The following MEGF11 variants were observed in gnomAD, a reference collection of about 807,000 sequenced individuals.
The protein encoded by MEGF11 is multiple EGF like domains 11, also known as multiple epidermal growth factor-like domains protein 11.
Under a neutral mutation model 146.6 loss-of-function variants are expected in MEGF11, and 126 were observed. The observed-to-expected ratio is 0.86, with a 90% CI of 0.74 to 1.00. MEGF11 has a LOEUF of 1.00. Among genes scored for constraint, MEGF11 ranks in the 50% least tolerant of loss-of-function variants. The pLI is 0.00. For synonymous variants in MEGF11, 532 were observed against 583.4 expected (o/e 0.91, Z 1.27); for missense variants, 1,509 against 1,521.2 (o/e 0.99, Z 0.13).
chr15:66,077,187 G>A (rs747993906), intron 5 of MEGF11, among the ~76,000 whole-genome samples: 11 of 152,198 alleles, frequency 7.2e-5, no homozygotes, highest in Non-Finnish European at 1.3e-4. Flanking sequence ...GGGTGCCTCC[G>A]CTTCAACCAC....
intron 5 of MEGF11, among the ~76,000 whole-genome samples, chr15:66,019,108 G>C (rs2083003928): frequency 6.6e-6 from 1 of 152,196 alleles, no homozygotes; most frequent in African/African-American, 2.4e-5. Context: ...GCAAGGGGCA[G>C]GGAGGCCAAG....
intron 13 of MEGF11, 101 bp from the exon 14 acceptor site, chr15:65,923,070 G>T: frequency 7.9e-7 from 1 of 1,268,664 alleles, no homozygotes; most frequent in Non-Finnish European, 1.1e-6. Context: ...GTGGAGGCAA[G>T]CATAGTGCAT....
chr15:66,059,979 AAC>A (rs560022816), intron 5 of MEGF11, among the ~76,000 whole-genome samples: 18 of 152,184 alleles, frequency 1.2e-4, no homozygotes, highest in African/African-American at 4.1e-4. Context: ...TCTGAGGGGG[AAC>A]CTGGGAAGGG....
intron 1 of MEGF11, among the ~76,000 whole-genome samples, chr15:66,184,054 A>T (rs2090627245): frequency 6.6e-6 from 1 of 152,234 alleles, no homozygotes; most frequent in Non-Finnish European, 1.5e-5. Context: ...TGAAAGGCAG[A>T]TCAGTGGGTG....
At chr15:66,001,944 C>T (rs1177080600) in intron 5 of MEGF11, among the ~76,000 whole-genome samples, 3 of 152,136 alleles carry the variant, frequency 2.0e-5, no homozygotes, top group Admixed American at 1.3e-4. Flanking sequence ...GCGGTCCTCT[C>T]CTCTTCTGGG....
At chr15:66,163,146 C>G (rs1167059046) in intron 1 of MEGF11, among the ~76,000 whole-genome samples, 1 of 152,162 alleles carries the variant, frequency 6.6e-6, no homozygotes, top group African/African-American at 2.4e-5. Flanking sequence ...TGTTGGGAAA[C>G]AGAGGGCAGA....
At chr15:65,942,561 G>A (rs1417635963) in intron 10 of MEGF11, among the ~76,000 whole-genome samples, 1 of 152,124 alleles carries the variant, frequency 6.6e-6, no homozygotes, top group African/African-American at 2.4e-5. Flanking sequence ...GGTGGTGGCG[G>A]TGCTGTGTTG....
At chr15:65,979,975 T>C (rs1031144353) in intron 7 of MEGF11, among the ~76,000 whole-genome samples, 3 of 152,200 alleles carry the variant, frequency 2.0e-5, no homozygotes, top group African/African-American at 7.2e-5. Context: ...CCTGGGCTGC[T>C]TCAGGCTACA....
At chr15:66,127,797 T>A (rs896879113) in intron 2 of MEGF11, among the ~76,000 whole-genome samples, 2 of 151,788 alleles carry the variant, frequency 1.3e-5, no homozygotes, top group African/African-American at 4.8e-5. Context: ...TGGCCACCCT[T>A]CCCCAGCAAC....
chr15:66,081,599 G>T (rs951757995), intron 5 of MEGF11, among the ~76,000 whole-genome samples: 9 of 152,062 alleles, frequency 5.9e-5, no homozygotes, highest in Admixed American at 5.9e-4. Flanking sequence ...GGCTGGTCTC[G>T]AACTCCTGAC....
chr15:66,228,973 G>A (rs912721791), intron 1 of MEGF11, among the ~76,000 whole-genome samples: 15 of 152,186 alleles, frequency 9.9e-5, no homozygotes, highest in East Asian at 3.9e-4. Flanking sequence ...CAGACCTGGC[G>A]GTGGTAACTG....
rs543269124 is a variant in MEGF11, at chr15:66,155,791, A to T, written c.-8-27380T>A. On this transcript the variant is annotated intron_variant, in intron 1 of 25. Coordinates refer to ENST00000395614, the MANE Select transcript of MEGF11 (RefSeq NM_001385028.1). ...TCTGTCAGCTCAACCTTGAAGGTGG[A>T]GCCCAAGTCTGTGTTCTTCTTCCCC... is the stretch of plus-strand genomic sequence containing the variant. 1.8e-3 allele frequency among the ~76,000 whole-genome samples: 271 copies of T among 152,294 alleles called. 3 individuals are homozygous for T. Among genetic ancestry groups the T allele is most frequent in the African/African-American group, 6.0e-3 (250 of 41,556 alleles).
intron 5 of MEGF11, among the ~76,000 whole-genome samples, chr15:66,035,837 C>T (rs974367337): frequency 6.6e-6 from 1 of 152,234 alleles, no homozygotes; most frequent in Non-Finnish European, 1.5e-5. Flanking sequence ...GTTTTTAACA[C>T]ACATATATAT....
intron 1 of MEGF11, among the ~76,000 whole-genome samples, chr15:66,216,281 G>A (rs1431232207): frequency 6.6e-6 from 1 of 152,156 alleles, no homozygotes; most frequent in Non-Finnish European, 1.5e-5. Flanking sequence ...GTCCAATCTT[G>A]GGGGACTGCA....
At chr15:66,220,693 G>A (rs749625743) in intron 1 of MEGF11, among the ~76,000 whole-genome samples, 3 of 151,826 alleles carry the variant, frequency 2.0e-5, no homozygotes, top group Non-Finnish European at 4.4e-5. Flanking sequence ...GTGTGCCACC[G>A]TGCCTGGCTA....
intron 7 of MEGF11, among the ~76,000 whole-genome samples, chr15:65,973,699 T>A (rs1177034568): frequency 6.6e-6 from 1 of 152,166 alleles, no homozygotes; most frequent in Non-Finnish European, 1.5e-5. Flanking sequence ...GGAGAGGGGT[T>A]GCGTGTTTGT....
In MEGF11 at chr15:65,906,111, G is replaced by A; in HGVS notation, c.3029C>T (p.Thr1010Ile). 5 of 1,611,022 alleles carry A rather than the reference G, an allele frequency of 3.1e-6. No individual in the cohort carries two copies. The highest frequency in any genetic ancestry group is 4.2e-6 in the Non-Finnish European group (5 of 1,178,520). ...GACGMDRRQN[T>I]YIMDKGFKDY... ...TTTGAAGCCTTTGTCCATAATGTAT[G>A]TGTTCTGACGTCTATCCATTCCACA... is the stretch of plus-strand genomic sequence containing the variant. Residue 1010 changes from threonine (T) to isoleucine (I), a missense_variant, in exon 24 of 26, where the codon ACA (threonine) becomes ATA (isoleucine). Thr to Ile is a moderately conservative substitution (Grantham distance 89). Transcript: ENST00000395614.
intron 1 of MEGF11, among the ~76,000 whole-genome samples, chr15:66,185,574 G>A (rs954145318): frequency 6.6e-6 from 1 of 152,296 alleles, no homozygotes; most frequent in African/African-American, 2.4e-5. Flanking sequence ...GCACTGGCCT[G>A]AGCATGTGAG....
At chr15:66,135,532 C>T (rs980838779) in intron 1 of MEGF11, among the ~76,000 whole-genome samples, 1 of 152,148 alleles carries the variant, frequency 6.6e-6, no homozygotes, top group African/African-American at 2.4e-5. Context: ...AGCACCGAGG[C>T]CCCTCCCTGC....
Sources: allele counts gnomAD v4.1 joint callset (sites outside exome capture counted in the v4.1 genomes callset), GRCh38; gene constraint gnomAD v4.1.1; transcripts MANE v1.5; gene names NCBI Gene and HGNC (gene_info 2026-07-23, HGNC 2026-07-21).